Variants in ELMO1 observed in about 807,000 individuals in gnomAD.
ELMO1 encodes engulfment and cell motility 1.
A neutral mutation model predicts 98.9 loss-of-function variants in ELMO1; 26 were observed. The ratio of observed to expected loss-of-function variants is 0.26; its 90% CI spans 0.19 to 0.36. The LOEUF (loss-of-function observed/expected upper bound fraction) is 0.36. Among genes scored for constraint, ELMO1 ranks in the 10% least tolerant of loss-of-function variants. ELMO1 has a pLI of 1.00. For synonymous variants in ELMO1, 346 were observed against 346.0 expected, an observed-to-expected ratio of 1.00 and a Z score of 0.00; for missense variants, 627 against 935.2, an observed-to-expected ratio of 0.67 and a Z score of 4.30.
chr7:37,039,074 T>C (rs1795352479), intron 15 of ELMO1, among the ~76,000 whole-genome samples: 2 of 152,200 alleles, frequency 1.3e-5, no homozygotes, highest in South Asian at 4.1e-4. Context: ...ATGCTTTTTC[T>C]TGAAAGAATT....
At chr7:37,132,143 TGCCCACA>T (rs1421681077) in intron 14 of ELMO1, among the ~76,000 whole-genome samples, 1 of 152,138 alleles carries the variant, frequency 6.6e-6, no homozygotes, top group Non-Finnish European at 1.5e-5. Context: ...CCAAAGGAAA[TGCCCACA>T]CTGACATCAC....
At chr7:36,906,207 A>C (rs1440778779) in intron 16 of ELMO1, among the ~76,000 whole-genome samples, 3 of 152,230 alleles carry the variant, frequency 2.0e-5, no homozygotes, top group Non-Finnish European at 4.4e-5. Flanking sequence ...CTGTTCATGA[A>C]CTTGCCTCAA....
chr7:36,935,578 A>G (rs955194167), intron 16 of ELMO1, among the ~76,000 whole-genome samples: 1 of 152,188 alleles, frequency 6.6e-6, no homozygotes, highest in Admixed American at 6.5e-5. Flanking sequence ...GAGGCTGTCT[A>G]TTCAGGTGGG....
chr7:36,916,938 G>A (rs977654081), intron 16 of ELMO1, among the ~76,000 whole-genome samples: 2 of 152,196 alleles, frequency 1.3e-5, no homozygotes, highest in African/African-American at 4.8e-5. Flanking sequence ...GCTTAATGAG[G>A]GCCAAAGCTG....
Position 37,210,627 on chromosome 7 carries a change from TA to T in ELMO1, c.1086+758del, listed in dbSNP as rs369799109. ...CACACATACAGATATATAGCTTATATATTTTTTTCCAAGGAAAGAGTATTTG... is the reference window on the plus strand; with the variant it reads ...CACACATACAGATATATAGCTTATATTTTTTTTCCAAGGAAAGAGTATTTG... On this transcript the variant is annotated intron_variant, in intron 13 of 21. Coordinates refer to ENST00000310758, the MANE Select transcript of ELMO1 (RefSeq NM_014800.11). 3.9e-4 allele frequency among the ~76,000 whole-genome samples: 60 copies of T among 151,984 alleles called. No homozygotes were observed. In the East Asian group the frequency reaches 0.011, roughly 27 times the overall value.
At chr7:37,017,933 C>T (rs530189675) in intron 15 of ELMO1, among the ~76,000 whole-genome samples, 3 of 152,162 alleles carry the variant, frequency 2.0e-5, no homozygotes, top group East Asian at 1.9e-4. Context: ...GACTTGCATT[C>T]GAATAATTAA....
chr7:37,033,249 G>T (rs1794978802), intron 15 of ELMO1: 1 of 389,436 alleles, frequency 2.6e-6, no homozygotes, highest in South Asian at 1.8e-5. Flanking sequence ...GCGCAGACGG[G>T]CTAAGTCCAA....
chr7:37,152,561 A>ATG (rs1353211939), intron 13 of ELMO1, among the ~76,000 whole-genome samples: 1 of 151,958 alleles, frequency 6.6e-6, no homozygotes, highest in African/African-American at 2.4e-5. Flanking sequence ...CTATGTGTGC[A>ATG]TGTGTGTGGA....
intron 16 of ELMO1, among the ~76,000 whole-genome samples, chr7:36,954,457 A>G (rs1199511181): frequency 2.6e-5 from 4 of 152,158 alleles, no homozygotes; most frequent in Non-Finnish European, 5.9e-5. Context: ...TGAATGGTCA[A>G]TGTGATGGGA....
chr7:36,907,475 A>G (rs899509227), intron 16 of ELMO1, among the ~76,000 whole-genome samples: 2 of 152,206 alleles, frequency 1.3e-5, no homozygotes, highest in Non-Finnish European at 2.9e-5. Flanking sequence ...AACTCAGACA[A>G]TTAAAACAGC....
intron 1 of ELMO1, among the ~76,000 whole-genome samples, chr7:37,348,010 A>C (rs982562119): frequency 6.6e-6 from 1 of 152,198 alleles, no homozygotes; most frequent in African/African-American, 2.4e-5. Context: ...CCCTTTGTCA[A>C]CTTCTCCCCA....
At chr7:36,956,709 AAT>A (rs1788479629) in intron 16 of ELMO1, among the ~76,000 whole-genome samples, 2 of 152,240 alleles carry the variant, frequency 1.3e-5, no homozygotes, top group Admixed American at 1.3e-4. Flanking sequence ...TTTCATAAAA[AAT>A]ATGTTGTTCC....
chr7:37,102,227 TTGGTGCCA>T (rs1784685078), intron 14 of ELMO1, among the ~76,000 whole-genome samples: 4 of 152,124 alleles, frequency 2.6e-5, no homozygotes, highest in African/African-American at 9.7e-5. Context: ...TCATTCTCCC[TTGGTGCCA>T]ATGCTAATGA....
chr7:37,443,142 T>A (rs1446951515), intron 1 of ELMO1, among the ~76,000 whole-genome samples: 1 of 152,188 alleles, frequency 6.6e-6, no homozygotes, highest in African/African-American at 2.4e-5. Flanking sequence ...GAGAGAATGC[T>A]TTATAGGGCT....
At chr7:36,942,946 A>C (rs1787169412) in intron 16 of ELMO1, among the ~76,000 whole-genome samples, 1 of 152,232 alleles carries the variant, frequency 6.6e-6, no homozygotes. Flanking sequence ...CACGCCACTG[A>C]CAGCTTCCAG....
chr7:36,944,606 GGT>G (rs1413796291), intron 16 of ELMO1, among the ~76,000 whole-genome samples: 5 of 152,178 alleles, frequency 3.3e-5, no homozygotes, highest in African/African-American at 1.2e-4. Flanking sequence ...GCATGTCACT[GGT>G]CTCTTCCCCA....
At chr7:37,271,518 G>A (rs78489470) in intron 5 of ELMO1, 16,834 of 257,402 alleles carry the variant, frequency 0.065, 715 homozygotes, top group African/African-American at 0.11. Flanking sequence ...ATACGCTAAC[G>A]ATAGCTGATG....
At chr7:37,045,882 T>G (rs1417810527) in intron 15 of ELMO1, among the ~76,000 whole-genome samples, 3 of 152,180 alleles carry the variant, frequency 2.0e-5, no homozygotes, top group African/African-American at 7.2e-5. Context: ...TTTAGAATTA[T>G]CCCTATCTCA....
At chr7:37,209,141 T>C (rs1377399996) in intron 13 of ELMO1, among the ~76,000 whole-genome samples, 1 of 152,132 alleles carries the variant, frequency 6.6e-6, no homozygotes, top group Non-Finnish European at 1.5e-5. Context: ...TGGAGCTACA[T>C]TGAGAAAATG....
Sources: gnomAD v4.1 joint callset for allele counts (sites outside exome capture counted in the v4.1 genomes callset) on GRCh38, gnomAD v4.1.1 for gene constraint, MANE v1.5 for transcripts, NCBI Gene and HGNC (gene_info 2026-07-23, HGNC 2026-07-21) for gene names.